COL4A3: variants seen among roughly 807,000 people sequenced by gnomAD.
COL4A3 encodes collagen alpha-3(IV) chain.
In COL4A3, 135 loss-of-function variants were observed where a neutral mutation model predicts 217.4. The ratio of observed to expected loss-of-function variants is 0.62; its 90% CI spans 0.54 to 0.72. The LOEUF is 0.72. COL4A3 is among the 30% of genes least tolerant of loss of function. COL4A3 has a pLI of 0.00. For synonymous variants in COL4A3, 690 were observed against 736.3 expected (o/e 0.94, Z 1.02); for missense variants, 1,868 against 2,119.9 (o/e 0.88, Z 2.33).
At chr2:227,221,302 C>T (rs1252833341) in intron 1 of COL4A3, 1 of 152,206 alleles carries the variant, frequency 6.6e-6, no homozygotes, top group Non-Finnish European at 1.5e-5. Flanking sequence ...CTCCAAATCC[C>T]ATAATCCTTC....
At chr2:227,218,310 C>A (rs2067614757) in intron 1 of COL4A3, among the ~76,000 whole-genome samples, 1 of 151,470 alleles carries the variant, frequency 6.6e-6, no homozygotes, top group African/African-American at 2.4e-5. Context: ...ACTAAAGATA[C>A]AAAAAATTAG....
rs1320127585 is a variant in COL4A3, at chr2:227,263,806, G to T, written c.1177G>T (p.Ala393Ser). The T allele has an allele frequency of 1.2e-6, 2 of 1,614,022 alleles. No individual in the cohort carries two copies. The highest frequency in any genetic ancestry group is 8.5e-7 in the Non-Finnish European group (1 of 1,179,936). ...PGSSRPGLRG[A>S]PGWPGLKGSK... ...ATCATCAAGGCCTGGCCTCAGAGGA[G>T]CCCCTGGATGGCCAGGCCTGAAAGG... Residue 393 changes from alanine (A) to serine (S), a missense_variant, in exon 21 of 52, where the codon GCC (alanine) becomes TCC (serine). Ala to Ser is a moderately conservative substitution (Grantham distance 99, BLOSUM62 1). This residue lies in a region of COL4A3 where 1,503 missense variants were observed against 1,786.1 expected (regional missense o/e 0.84). Transcript: ENST00000396578.
At position 227,269,945 on chromosome 2, in the gene COL4A3, G is replaced by A. The variant is rs2071142257; in HGVS notation, c.1540G>A (p.Gly514Arg). ...QGAAGLKGSP[G>R]SPGNTGLPGF... is the part of the protein sequence containing the mutation. ...CGCAGCTGGCTTGAAAGGAAGCCCA[G>A]GGTCCCCAGGAAATACAGGTCTTCC... is the stretch of plus-strand genomic sequence containing the variant. Residue 514 changes from glycine (G) to arginine (R), a missense_variant, in exon 24 of 52, where the codon GGG (glycine) becomes AGG (arginine). Coordinates refer to ENST00000396578, the MANE Select transcript of COL4A3 (RefSeq NM_000091.5). 1 of 1,613,886 alleles carries A rather than the reference G, an allele frequency of 6.2e-7. No individual in the cohort carries two copies. The highest frequency in any genetic ancestry group is 8.5e-7 in the Non-Finnish European group (1 of 1,179,870).
chr2:227,213,946 C>T (rs867333113), intron 1 of COL4A3, among the ~76,000 whole-genome samples: 4 of 145,800 alleles, frequency 2.7e-5, no homozygotes, highest in South Asian at 4.4e-4. Context: ...AAACACCGTA[C>T]ATATAAAGAA....
At chr2:227,275,822 C>A (rs1053707046) in intron 26 of COL4A3, among the ~76,000 whole-genome samples, 4 of 152,108 alleles carry the variant, frequency 2.6e-5, no homozygotes, top group African/African-American at 9.7e-5. Context: ...AAACTAGCCA[C>A]CCAATAAATA....
At chr2:227,255,831 G>A (rs187113686) in intron 15 of COL4A3, among the ~76,000 whole-genome samples, 195 bp from the exon 16 acceptor site, 144 of 152,162 alleles carry the variant, frequency 9.5e-4, no homozygotes, top group African/African-American at 3.4e-3. Context: ...ACTGGCTTCT[G>A]CTTTCCCTGG....
At chr2:227,241,161 A>G (rs1466950213) in intron 3 of COL4A3, among the ~76,000 whole-genome samples, 1 of 152,130 alleles carries the variant, frequency 6.6e-6, no homozygotes, top group Non-Finnish European at 1.5e-5. Flanking sequence ...TTAAATAAAT[A>G]CCATAGAGGA....
intron 38 of COL4A3, 128 bp from the exon 39 acceptor site, chr2:227,294,362 G>T (rs2072926412): frequency 1.3e-6 from 1 of 777,670 alleles, no homozygotes; most frequent in South Asian, 1.4e-5. Context: ...GGGTGACCTT[G>T]CAACAAGAGA....
intron 1 of COL4A3, among the ~76,000 whole-genome samples, chr2:227,179,597 C>G (rs1161093067): frequency 1.3e-5 from 2 of 152,188 alleles, no homozygotes; most frequent in Non-Finnish European, 2.9e-5. Flanking sequence ...ATTAGTAGTT[C>G]TTTAATCCTT....
chr2:227,251,216 C>A lies in COL4A3; in HGVS notation c.609+14C>A. On this transcript the variant is annotated intron_variant, in intron 10 of 51. Transcript: ENST00000396578. ...CCGGGATTCTTTGTGAGTATCAAGTCATCCTTGCTACAGACTCTGTCAACT... is the reference window on the plus strand; with the variant it reads ...CCGGGATTCTTTGTGAGTATCAAGTAATCCTTGCTACAGACTCTGTCAACT... 6.2e-7 allele frequency: 1 copy of A among 1,608,940 alleles called. No homozygotes were observed. Among genetic ancestry groups the A allele is most frequent in the South Asian group, 1.1e-5 (1 of 90,932 alleles).
intron 47 of COL4A3, among the ~76,000 whole-genome samples, chr2:227,307,079 G>C (rs963019235): frequency 1.2e-4 from 18 of 151,900 alleles, no homozygotes; most frequent in Admixed American, 3.3e-4. Context: ...AGTATAGAAA[G>C]TTTTTCTCCA....
chr2:227,300,982 G>C (rs2073260628), intron 43 of COL4A3, among the ~76,000 whole-genome samples: 1 of 152,152 alleles, frequency 6.6e-6, no homozygotes, highest in Admixed American at 6.5e-5. Flanking sequence ...TACTGGAGCT[G>C]AGGTGGGAAT....
At chr2:227,172,581 C>CTTTTTTTTT (rs11315628) in intron 1 of COL4A3, among the ~76,000 whole-genome samples, 7 of 73,586 alleles carry the variant, frequency 9.5e-5, no homozygotes, top group Non-Finnish European at 1.4e-4. Context: ...TCGTCTTCTT[C>CTTTTTTTTT]TTTTTTTTTT....
At chr2:227,248,150 G>T (rs1265041610) in intron 8 of COL4A3, among the ~76,000 whole-genome samples, 1 of 152,120 alleles carries the variant, frequency 6.6e-6, no homozygotes, top group African/African-American at 2.4e-5. Flanking sequence ...ATGTTGGCCA[G>T]GCTGGTCTTG....
At chr2:227,220,000 G>C (rs1024055710) in intron 1 of COL4A3, among the ~76,000 whole-genome samples, 10 of 152,064 alleles carry the variant, frequency 6.6e-5, no homozygotes, top group African/African-American at 2.4e-4. Context: ...CACCTTCCCT[G>C]GGGCCTGCAT....
At chr2:227,174,498 GATT>G (rs10603964) in intron 1 of COL4A3, among the ~76,000 whole-genome samples, 2,903 of 150,498 alleles carry the variant, frequency 0.019, 74 homozygotes, top group East Asian at 0.071. Context: ...TTAGTCTAGT[GATT>G]ATTATTATTA....
chr2:227,220,136 A>ATGTG (rs35199710), intron 1 of COL4A3, among the ~76,000 whole-genome samples: 16,704 of 126,934 alleles, frequency 0.13, 1,138 homozygotes, highest in East Asian at 0.33. Flanking sequence ...AGGCGGTTTT[A>ATGTG]TGTGTGTGTG....
chr2:227,289,382 C>T (rs1262242591), intron 35 of COL4A3, 134 bp downstream of exon 35: 14 of 739,036 alleles, frequency 1.9e-5, no homozygotes, highest in Admixed American at 4.4e-5. Context: ...AAATTTGCTA[C>T]TAAATTAACT....
intron 47 of COL4A3, among the ~76,000 whole-genome samples, chr2:227,307,145 C>T (rs1295310257): frequency 6.6e-6 from 1 of 151,906 alleles, no homozygotes; most frequent in East Asian, 1.9e-4. Flanking sequence ...TATAAATAAA[C>T]TAACCCTTAT....
Sources: gnomAD v4.1 joint callset for allele counts (sites outside exome capture counted in the v4.1 genomes callset) on GRCh38, gnomAD v4.1.1 for gene constraint, gnomAD v4.1.1 regional missense constraint, MANE v1.5 for transcripts, NCBI Gene and HGNC (gene_info 2026-07-23, HGNC 2026-07-21) for gene names.